Variants in HACD3 observed in about 807,000 individuals in gnomAD.
HACD3 encodes 3-hydroxyacyl-CoA dehydratase 3.
Under a neutral mutation model 55.2 loss-of-function variants are expected in HACD3, and 30 were observed. The ratio of observed to expected loss-of-function variants is 0.54; its 90% CI spans 0.41 to 0.74. HACD3 has a LOEUF of 0.74. HACD3 is among the 30% of genes least tolerant of loss of function. HACD3 has a pLI of 0.00. For missense variants in HACD3, 363 were observed against 440.1 expected (o/e 0.82, Z 1.57); for synonymous variants, 141 against 151.7 (o/e 0.93, Z 0.52).
At chr15:65,557,681 A>G (rs925026278) in intron 4 of HACD3, among the ~76,000 whole-genome samples, 3 of 152,186 alleles carry the variant, frequency 2.0e-5, no homozygotes, top group Non-Finnish European at 1.5e-5. Flanking sequence ...GGGAGTATCT[A>G]CATAATTTAT....
At chr15:65,552,857 A>T (rs1406500338) in intron 2 of HACD3, among the ~76,000 whole-genome samples, 1 of 134,014 alleles carries the variant, frequency 7.5e-6, no homozygotes, top group Non-Finnish European at 1.6e-5. Context: ...CCCACCCCAC[A>T]ACAGTCCCCA....
intron 1 of HACD3, among the ~76,000 whole-genome samples, chr15:65,538,542 T>A (rs2071986670): frequency 6.6e-6 from 1 of 152,222 alleles, no homozygotes; most frequent in African/African-American, 2.4e-5. Context: ...TTTATTGAGA[T>A]GGAATCTATT....
chr15:65,532,131 A>G (rs532930881), intron 1 of HACD3, among the ~76,000 whole-genome samples: 20 of 152,312 alleles, frequency 1.3e-4, no homozygotes, highest in Non-Finnish European at 2.5e-4. Flanking sequence ...TAAATAGGCT[A>G]TGACATTGCA....
chr15:65,545,714 A>G (rs924686369), intron 1 of HACD3, among the ~76,000 whole-genome samples: 21 of 151,256 alleles, frequency 1.4e-4, no homozygotes, highest in Non-Finnish European at 2.9e-5. Context: ...TCGGCCTCCC[A>G]AAGTGCTGGG....
intron 10 of HACD3, chr15:65,574,581 T>G (rs986555599): frequency 6.6e-6 from 1 of 152,176 alleles, no homozygotes; most frequent in Non-Finnish European, 1.5e-5. Context: ...AGCCCAGTGG[T>G]CTTGGTCATT....
chr15:65,544,065 TACTC>T (rs2072048454), intron 1 of HACD3, among the ~76,000 whole-genome samples: 6 of 151,926 alleles, frequency 3.9e-5, no homozygotes, highest in Non-Finnish European at 5.9e-5. Context: ...TAGTCCCAGC[TACTC>T]GGGAGGCCGA....
At chr15:65,573,978 C>T (rs185105115) in intron 10 of HACD3, among the ~76,000 whole-genome samples, 388 of 152,258 alleles carry the variant, frequency 2.5e-3, no homozygotes, top group African/African-American at 8.4e-3. Flanking sequence ...TTATATATTT[C>T]TCCTTGCTTT....
chr15:65,559,873 G>GT (rs2072228290), intron 5 of HACD3, among the ~76,000 whole-genome samples: 1 of 152,118 alleles, frequency 6.6e-6, no homozygotes, highest in Admixed American at 6.5e-5. Flanking sequence ...GATTTTTTGG[G>GT]TGTTAGGTAA....
chr15:65,565,637 T>C (rs565618130), intron 7 of HACD3: 43 of 152,374 alleles, frequency 2.8e-4, no homozygotes. Context: ...ACCAAATCCC[T>C]AGGTTGCACA....
Position 65,576,509 on chromosome 15 carries a change from TC to T in HACD3, c.*134del. 1.0e-6 allele frequency: 1 copy of T among 971,706 alleles called. No homozygotes were observed. Among genetic ancestry groups the T allele is most frequent in the Non-Finnish European group, 1.5e-6 (1 of 670,294 alleles). The allele number at this position is 971,706 out of a possible 1,614,324, so 60.2% of individuals were successfully genotyped here. ...ATTCTCAGTGAGGCTATCTTCCTTT[TC>T]CCCAGTAACATTCCTGAATTTACTG... On this transcript the variant is annotated 3_prime_UTR_variant, in exon 11 of 11. Transcript: ENST00000261875.
intron 1 of HACD3, among the ~76,000 whole-genome samples, chr15:65,539,033 TGTGTGACTCACTTTA>T (rs1207325484): frequency 6.6e-6 from 1 of 152,160 alleles, no homozygotes; most frequent in Non-Finnish European, 1.5e-5. Context: ...CCAGAAACTT[TGTGTGACTCACTTTA>T]TTGTGATATT....
intron 7 of HACD3, among the ~76,000 whole-genome samples, chr15:65,569,128 G>A (rs1197647011): frequency 6.6e-6 from 1 of 151,728 alleles, no homozygotes; most frequent in East Asian, 1.9e-4. Flanking sequence ...GGCGCCTGTA[G>A]TCCCAGCTAC....
At chr15:65,567,175 C>T (rs2141223034) in intron 7 of HACD3, among the ~76,000 whole-genome samples, 1 of 152,084 alleles carries the variant, frequency 6.6e-6, no homozygotes, top group Admixed American at 6.6e-5. Flanking sequence ...TAAAAATTTG[C>T]CAGGCATGGT....
chr15:65,567,247 A>G (rs1327690806), intron 7 of HACD3, among the ~76,000 whole-genome samples: 1 of 152,150 alleles, frequency 6.6e-6, no homozygotes, highest in Non-Finnish European at 1.5e-5. Context: ...TGAGTGCAGG[A>G]GTTCGATGTT....
In HACD3 at chr15:65,576,573, A is replaced by G. The variant is rs1046726608; in HGVS notation, c.*194A>G. The G allele has an allele frequency of 1.4e-5, 9 of 637,454 alleles. No individual in the cohort carries two copies. In the African/African-American group the frequency reaches 1.5e-4, roughly 10 times the overall value. 39.5% of individuals were successfully genotyped at this position (637,454 alleles called of 1,614,324 possible). ...AGTACTTGCATGACATGGATTCCTG[A>G]TATCTGATGAGAGGTTCATTCTTGT... On this transcript the variant is annotated 3_prime_UTR_variant, in exon 11 of 11. Transcript: ENST00000261875.
chr15:65,572,939 TA>T (rs2072364422), intron 10 of HACD3, among the ~76,000 whole-genome samples: 1 of 139,060 alleles, frequency 7.2e-6, no homozygotes, highest in Admixed American at 7.1e-5. Flanking sequence ...AATAAATAAA[TA>T]AATAAAAATT....
chr15:65,547,256 A>G (rs2072086837), intron 1 of HACD3, among the ~76,000 whole-genome samples: 1 of 152,060 alleles, frequency 6.6e-6, no homozygotes, highest in Non-Finnish European at 1.5e-5. Flanking sequence ...AGCTGGGATT[A>G]CAGGCGCACG....
At chr15:65,572,667 A>C (rs2141226751) in intron 10 of HACD3, among the ~76,000 whole-genome samples, 1 of 152,318 alleles carries the variant, frequency 6.6e-6, no homozygotes, top group South Asian at 2.1e-4. Flanking sequence ...TTGTAATCCC[A>C]GCACTTTGGG....
At chr15:65,543,540 G>T (rs1305430102) in intron 1 of HACD3, among the ~76,000 whole-genome samples, 1 of 152,106 alleles carries the variant, frequency 6.6e-6, no homozygotes, top group Non-Finnish European at 1.5e-5. Flanking sequence ...ACAAGGTAGG[G>T]AGAAGCCTTG....
Sources: gnomAD v4.1 joint callset for allele counts (sites outside exome capture counted in the v4.1 genomes callset) on GRCh38, gnomAD v4.1.1 for gene constraint, MANE v1.5 for transcripts, NCBI Gene and HGNC (gene_info 2026-07-23, HGNC 2026-07-21) for gene names.